Variants in CNTNAP4 observed in about 807,000 individuals in gnomAD.
CNTNAP4 encodes the protein contactin-associated protein-like 4.
Under a neutral mutation model 148.4 loss-of-function variants are expected in CNTNAP4, and 98 were observed. The ratio of observed to expected loss-of-function variants is 0.66; its 90% CI spans 0.56 to 0.78. CNTNAP4 has a LOEUF of 0.78. Among genes scored for constraint, CNTNAP4 ranks in the 30% least tolerant of loss-of-function variants. The pLI is 0.00. For synonymous variants in CNTNAP4, 730 were observed against 565.1 expected, an observed-to-expected ratio of 1.29 and a Z score of -4.14; for missense variants, 1,935 against 1,565.6, an observed-to-expected ratio of 1.24 and a Z score of -3.98.
At chr16:76,415,811 C>G (rs2078953600) in intron 3 of CNTNAP4, among the ~76,000 whole-genome samples, 1 of 150,906 alleles carries the variant, frequency 6.6e-6, no homozygotes, top group African/African-American at 2.4e-5. Context: ...CTTGTGTTCA[C>G]TTTTATATCT....
chr16:76,522,307 A>T, intron 17 of CNTNAP4, 50 bp downstream of exon 17: 1 of 1,490,858 alleles, frequency 6.7e-7, no homozygotes, highest in Non-Finnish European at 9.3e-7. Context: ...TGTGTTCAGA[A>T]ATGGCCCAAG....
intron 8 of CNTNAP4, among the ~76,000 whole-genome samples, chr16:76,457,143 T>C (rs1012351260): frequency 9.2e-5 from 14 of 152,354 alleles, no homozygotes; most frequent in Admixed American, 8.5e-4. Flanking sequence ...CTATGATTTC[T>C]CCTTCTCCTT....
intron 8 of CNTNAP4, among the ~76,000 whole-genome samples, chr16:76,460,713 A>G (rs1329585730): frequency 7.8e-6 from 1 of 128,262 alleles, no homozygotes; most frequent in East Asian, 2.4e-4. Flanking sequence ...AGATCGCGCC[A>G]TTGCACTCCA....
chr16:76,447,552 A>G (rs769110105), intron 4 of CNTNAP4, among the ~76,000 whole-genome samples: 21 of 152,126 alleles, frequency 1.4e-4, no homozygotes, highest in Non-Finnish European at 2.1e-4. Context: ...TGACTTACAG[A>G]GATTCAACTT....
chr16:76,442,860 C>G (rs1042281893), intron 4 of CNTNAP4, among the ~76,000 whole-genome samples: 4 of 152,100 alleles, frequency 2.6e-5, no homozygotes, highest in South Asian at 2.1e-4. Context: ...CACATCCATA[C>G]CATGGCAGAA....
intron 17 of CNTNAP4, among the ~76,000 whole-genome samples, chr16:76,533,314 C>T (rs2084066394): frequency 6.6e-6 from 1 of 151,986 alleles, no homozygotes; most frequent in African/African-American, 2.4e-5. Flanking sequence ...AAAAGTAGAA[C>T]AGAGGATACT....
At chr16:76,456,592 T>C (rs2143319875) in intron 8 of CNTNAP4, among the ~76,000 whole-genome samples, 1 of 147,702 alleles carries the variant, frequency 6.8e-6, no homozygotes, top group Admixed American at 6.8e-5. Context: ...TTGTCTGATG[T>C]TGGTGTTCTG....
intron 2 of CNTNAP4, among the ~76,000 whole-genome samples, chr16:76,346,049 G>A (rs1964874790): frequency 6.6e-6 from 1 of 152,022 alleles, no homozygotes; most frequent in Non-Finnish European, 1.5e-5. Flanking sequence ...CTAGAACTGT[G>A]AAAAATAAAT....
chr16:76,452,861 A>T, intron 8 of CNTNAP4, 92 bp downstream of exon 8: 1 of 1,150,528 alleles, frequency 8.7e-7, no homozygotes, highest in East Asian at 2.7e-5. Context: ...AAAATGTAAT[A>T]TTTGCTTAAT....
intron 17 of CNTNAP4, among the ~76,000 whole-genome samples, chr16:76,525,368 A>G (rs2083672516): frequency 6.6e-6 from 1 of 151,452 alleles, no homozygotes; most frequent in African/African-American, 2.4e-5. Context: ...TCCTGAGAGT[A>G]TATTTCAGTG....
chr16:76,527,852 A>G (rs2083807161), intron 17 of CNTNAP4, among the ~76,000 whole-genome samples: 1 of 152,178 alleles, frequency 6.6e-6, no homozygotes, highest in African/African-American at 2.4e-5. Context: ...CCTCAAATAT[A>G]CACAATAAAA....
chr16:76,310,574 C>G (rs1960990765), intron 1 of CNTNAP4, among the ~76,000 whole-genome samples: 1 of 152,152 alleles, frequency 6.6e-6, no homozygotes, highest in South Asian at 2.1e-4. Flanking sequence ...TCCAAAGCTT[C>G]CTGTCAAAGG....
intron 2 of CNTNAP4, among the ~76,000 whole-genome samples, chr16:76,326,619 T>C (rs1382468769): frequency 1.3e-5 from 2 of 151,966 alleles, no homozygotes; most frequent in Non-Finnish European, 2.9e-5. Context: ...TATGCAGCCA[T>C]AAAAAATGAT....
rs550533641 is a variant in CNTNAP4, at chr16:76,453,059, G to C, written c.1333+290G>C. 2.0e-5 allele frequency among the ~76,000 whole-genome samples: 3 copies of C among 152,278 alleles called. No individual in the cohort carries two copies. The East Asian group carries it at 5.8e-4, about 29-fold the overall frequency. ...CAAAGAACATATCCTAAGGTGATGT[G>C]TTTTGGGGAAAACATGAAGACCTTG... On this transcript the variant is annotated intron_variant, in intron 8 of 23. Transcript: ENST00000611870.
At chr16:76,363,456 C>A (rs1160416191) in intron 3 of CNTNAP4, among the ~76,000 whole-genome samples, 2 of 151,952 alleles carry the variant, frequency 1.3e-5, no homozygotes, top group Non-Finnish European at 2.9e-5. Context: ...GATACTGCGC[C>A]CAGCCTGGAC....
At chr16:76,304,166 A>C (rs1960251281) in intron 1 of CNTNAP4, among the ~76,000 whole-genome samples, 1 of 152,146 alleles carries the variant, frequency 6.6e-6, no homozygotes, top group African/African-American at 2.4e-5. Flanking sequence ...TACCATCATT[A>C]TCCTCATTTC....
intron 10 of CNTNAP4, among the ~76,000 whole-genome samples, chr16:76,470,107 C>A (rs1174498104): frequency 1.3e-5 from 2 of 151,986 alleles, no homozygotes; most frequent in South Asian, 2.1e-4. Flanking sequence ...GTGTTTGTTT[C>A]CTATAAGTAT....
At chr16:76,374,421 A>G (rs1392368063) in intron 3 of CNTNAP4, among the ~76,000 whole-genome samples, 6 of 152,214 alleles carry the variant, frequency 3.9e-5, no homozygotes, top group East Asian at 1.9e-4. Context: ...AAAAATTAAT[A>G]TATCACTTTG....
intron 4 of CNTNAP4, among the ~76,000 whole-genome samples, chr16:76,439,569 T>C (rs1166668066): frequency 6.6e-6 from 1 of 152,184 alleles, no homozygotes; most frequent in Non-Finnish European, 1.5e-5. Flanking sequence ...TCAAGTGTCC[T>C]TGACATAGTG....
Sources: gnomAD v4.1 joint callset for allele counts (sites outside exome capture counted in the v4.1 genomes callset) on GRCh38, gnomAD v4.1.1 for gene constraint, MANE v1.5 for transcripts, NCBI Gene and HGNC (gene_info 2026-07-23, HGNC 2026-07-21) for gene names.